TBC1D22A: variants seen among roughly 807,000 people sequenced by gnomAD.
TBC1D22A encodes the protein putative GTPase activator.
Under a neutral mutation model 60.2 loss-of-function variants are expected in TBC1D22A, and 38 were observed. The ratio of observed to expected loss-of-function variants is 0.63; its 90% confidence interval spans 0.49 to 0.83. The LOEUF is 0.83. TBC1D22A is among the 40% of genes least tolerant of loss of function. The probability of loss-of-function intolerance (pLI) is 0.00; values close to 1 mark genes in which losing one functional copy is unlikely to be tolerated. For synonymous variants in TBC1D22A, 302 were observed against 281.7 expected, an observed-to-expected ratio of 1.07 and a Z score of -0.72; for missense variants, 628 against 701.0, an observed-to-expected ratio of 0.90 and a Z score of 1.18.
intron 8 of TBC1D22A, among the ~76,000 whole-genome samples, chr22:46,923,482 C>G (rs2070873560): frequency 6.6e-6 from 1 of 152,238 alleles, no homozygotes; most frequent in African/African-American, 2.4e-5. Flanking sequence ...CGAAGGTAGC[C>G]TGGGTCTCTT....
At chr22:47,067,952 C>T (rs1260115501) in intron 11 of TBC1D22A, among the ~76,000 whole-genome samples, 5 of 152,256 alleles carry the variant, frequency 3.3e-5, no homozygotes, top group Non-Finnish European at 5.9e-5. Flanking sequence ...TGTTCTAGTT[C>T]TGCATGCTGG....
rs572031268 is a variant in TBC1D22A at position 46,946,184 on chromosome 22, G to C, written c.1016-28106G>C. On this transcript the variant is annotated intron_variant, in intron 8 of 12. Transcript: ENST00000337137. ...CTTCCGGACGGGCCAGCATAAGCTT[G>C]TGCACCGTAGGAGCTGCTGGCCTCA... 1.8e-4 allele frequency among the ~76,000 whole-genome samples: 27 copies of C among 152,346 alleles called. No individual in the cohort carries two copies. The South Asian group carries it at 5.6e-3, about 32-fold the overall frequency.
At chr22:46,891,650 A>C (rs2068414942) in intron 6 of TBC1D22A, among the ~76,000 whole-genome samples, 1 of 152,242 alleles carries the variant, frequency 6.6e-6, no homozygotes, top group Non-Finnish European at 1.5e-5. Flanking sequence ...TTGAGGTTAC[A>C]AAATAAATGC....
chr22:46,841,073 T>TGTGTGA (rs35099198), intron 4 of TBC1D22A, among the ~76,000 whole-genome samples: 9,677 of 148,266 alleles, frequency 0.065, 406 homozygotes, highest in Middle Eastern at 0.097. Context: ...TGTGTGTGTG[T>TGTGTGA]GAGAGAGAGA....
chr22:47,061,914 C>T (rs1194397229), intron 11 of TBC1D22A, among the ~76,000 whole-genome samples: 1 of 151,936 alleles, frequency 6.6e-6, no homozygotes, highest in African/African-American at 2.4e-5. Context: ...ATGGCAAAAC[C>T]CCGTTTCTAC....
intron 10 of TBC1D22A, among the ~76,000 whole-genome samples, chr22:47,003,484 G>C (rs1287255645): frequency 3.7e-4 from 31 of 82,700 alleles, no homozygotes; most frequent in African/African-American, 1.5e-3. Context: ...CGCACCCTAC[G>C]CACACATGCC....
At chr22:46,912,700 G>A (rs1373143965) in intron 8 of TBC1D22A, among the ~76,000 whole-genome samples, 1 of 152,208 alleles carries the variant, frequency 6.6e-6, no homozygotes, top group East Asian at 1.9e-4. Context: ...GGGACTACGG[G>A]CATGCGCCAC....
At chr22:46,970,352 G>A (rs775257474) in intron 8 of TBC1D22A, among the ~76,000 whole-genome samples, 20 of 152,096 alleles carry the variant, frequency 1.3e-4, no homozygotes, top group African/African-American at 3.4e-4. Context: ...TTTCAATCGC[G>A]TTTCTTCCTT....
intron 1 of TBC1D22A, among the ~76,000 whole-genome samples, chr22:46,783,232 T>A (rs73475034): frequency 0.016 from 2,483 of 152,286 alleles, 72 homozygotes; most frequent in African/African-American, 0.057. Context: ...AAGATTTCTG[T>A]TTACAGTGTC....
chr22:47,163,715 C>A (rs544194989), intron 12 of TBC1D22A, among the ~76,000 whole-genome samples: 2 of 152,334 alleles, frequency 1.3e-5, no homozygotes, highest in African/African-American at 4.8e-5. Context: ...GGGCACAGCA[C>A]GGTGCTGCCA....
At chr22:46,937,811 T>G (rs980623828) in intron 8 of TBC1D22A, among the ~76,000 whole-genome samples, 1 of 151,954 alleles carries the variant, frequency 6.6e-6, no homozygotes, top group African/African-American at 2.4e-5. Context: ...CTAATGTGTG[T>G]GTTTGTATCT....
intron 12 of TBC1D22A, among the ~76,000 whole-genome samples, chr22:47,157,993 C>T (rs1346446360): frequency 4.6e-5 from 7 of 152,260 alleles, no homozygotes; most frequent in South Asian, 4.1e-4. Flanking sequence ...CCTGTGCTGC[C>T]CGTCACCCTC....
chr22:46,899,600 TC>T (rs2068871610), intron 7 of TBC1D22A, among the ~76,000 whole-genome samples: 1 of 152,224 alleles, frequency 6.6e-6, no homozygotes, highest in Non-Finnish European at 1.5e-5. Context: ...GATTACTATC[TC>T]CAGTACGAGG....
intron 5 of TBC1D22A, among the ~76,000 whole-genome samples, chr22:46,890,800 G>T (rs1046941754): frequency 1.3e-5 from 2 of 152,184 alleles, no homozygotes; most frequent in African/African-American, 2.4e-5. Flanking sequence ...ACGTACACAC[G>T]TATGTGTGTA....
chr22:47,101,176 G>A (rs973525059), intron 11 of TBC1D22A, among the ~76,000 whole-genome samples: 21 of 152,184 alleles, frequency 1.4e-4, no homozygotes, highest in Admixed American at 2.0e-4. Flanking sequence ...TTGTCAAAGT[G>A]TTCTTTTGTT....
rs993169961 is a variant in TBC1D22A at position 47,020,044 on chromosome 22, C to T, written c.1202-17027C>T. ...CCGCTGCCTTGATCCATCCCCCCAC[C>T]CATGTCTCAGCCATCAGTCCATCCA... On this transcript the variant is annotated intron_variant, in intron 10 of 12. Transcript: ENST00000337137. Among the ~76,000 whole-genome samples the T allele has an allele frequency of 3.3e-5, 5 of 152,264 alleles. No individual in the cohort carries two copies. The South Asian group carries it at 1.0e-3, about 32-fold the overall frequency.
At chr22:46,930,967 A>C (rs1169601657) in intron 8 of TBC1D22A, among the ~76,000 whole-genome samples, 1 of 152,188 alleles carries the variant, frequency 6.6e-6, no homozygotes, top group East Asian at 1.9e-4. Flanking sequence ...TGTAAGGTAG[A>C]CACTGCTGCT....
intron 11 of TBC1D22A, among the ~76,000 whole-genome samples, chr22:47,080,860 C>T (rs577513443): frequency 6.6e-6 from 1 of 152,022 alleles, no homozygotes; most frequent in Non-Finnish European, 1.5e-5. Context: ...TGGTGGCTCA[C>T]GCCTGTAATC....
chr22:47,019,100 C>T (rs1355744848), intron 10 of TBC1D22A, among the ~76,000 whole-genome samples: 1 of 152,242 alleles, frequency 6.6e-6, no homozygotes, highest in African/African-American at 2.4e-5. Flanking sequence ...TCCCGCGCCT[C>T]CCAGCTGGCC....
Sources: allele counts gnomAD v4.1 joint callset (sites outside exome capture counted in the v4.1 genomes callset), GRCh38; gene constraint gnomAD v4.1.1; transcripts MANE v1.5; gene names NCBI Gene and HGNC (gene_info 2026-07-23, HGNC 2026-07-21).